MED13L: variants seen among roughly 807,000 people sequenced by gnomAD.
The protein encoded by MED13L is mediator complex subunit 13L.
Under a neutral mutation model 220.9 loss-of-function variants are expected in MED13L, and 7 were observed. The ratio of observed to expected loss-of-function variants is 0.03; its 90% CI spans 0.02 to 0.06. The LOEUF (loss-of-function observed/expected upper bound fraction) is 0.06. Among genes scored for constraint, MED13L ranks in the 10% least tolerant of loss-of-function variants. The pLI, the probability that MED13L is intolerant of heterozygous loss-of-function variation, is 1.00. For synonymous variants in MED13L, 1,011 were observed against 1,015.2 expected (o/e 1.00, Z 0.08); for missense variants, 1,965 against 2,760.5 (o/e 0.71, Z 6.46).
intron 2 of MED13L, among the ~76,000 whole-genome samples, chr12:116,208,891 C>T (rs1039680912): frequency 1.3e-5 from 2 of 151,994 alleles, no homozygotes; most frequent in African/African-American, 2.4e-5. Flanking sequence ...ATCACTTGAG[C>T]CCCAGAGTTT....
intron 2 of MED13L, among the ~76,000 whole-genome samples, chr12:116,139,011 T>C (rs1876826393): frequency 6.6e-6 from 1 of 152,222 alleles, no homozygotes; most frequent in Non-Finnish European, 1.5e-5. Context: ...TTGAGACATA[T>C]TCCTGGAATT....
At chr12:116,030,305 A>C (rs1880660285) in intron 4 of MED13L, among the ~76,000 whole-genome samples, 1 of 152,162 alleles carries the variant, frequency 6.6e-6, no homozygotes, top group African/African-American at 2.4e-5. Flanking sequence ...GTTAAAATAA[A>C]ATCCTTTTGT....
At chr12:116,151,565 C>T (rs182522864) in intron 2 of MED13L, among the ~76,000 whole-genome samples, 3 of 152,270 alleles carry the variant, frequency 2.0e-5, no homozygotes, top group Admixed American at 2.0e-4. Context: ...AAGGATCCTA[C>T]ACAGTGGTTG....
At chr12:116,069,541 T>C (rs958502853) in intron 4 of MED13L, among the ~76,000 whole-genome samples, 1 of 152,238 alleles carries the variant, frequency 6.6e-6, no homozygotes, top group Non-Finnish European at 1.5e-5. Context: ...GTACTGACTT[T>C]TTAGCTATCA....
intron 2 of MED13L, among the ~76,000 whole-genome samples, chr12:116,228,022 A>G (rs1455386320): frequency 6.6e-6 from 1 of 152,226 alleles, no homozygotes; most frequent in Non-Finnish European, 1.5e-5. Flanking sequence ...CTTATTGTTG[A>G]TATGGAGAAA....
chr12:116,067,822 TGTGA>T (rs1394600871), intron 4 of MED13L, among the ~76,000 whole-genome samples: 3 of 152,160 alleles, frequency 2.0e-5, no homozygotes, highest in African/African-American at 2.4e-5. Context: ...AAGGATGAAC[TGTGA>T]GTAAGCGCAT....
chr12:116,096,877 G>GT (rs2137817769), intron 3 of MED13L, 125 bp from the exon 4 acceptor site: 1 of 726,698 alleles, frequency 1.4e-6, no homozygotes, highest in South Asian at 1.6e-5. Context: ...CTATCAAAAT[G>GT]TTTTATCACT....
At chr12:116,276,629 G>T in intron 1 of MED13L, 1 of 1,197,000 alleles carries the variant, frequency 8.4e-7, no homozygotes, top group Non-Finnish European at 1.1e-6. Flanking sequence ...GCAGGCGGGC[G>T]GGCAGGCAGC....
chr12:115,991,059 C>G lies in MED13L; in HGVS notation c.3895G>C (p.Val1299Leu), dbSNP rs1565996916. 2 of 1,614,186 alleles carry G rather than the reference C, an allele frequency of 1.2e-6. No homozygotes were observed. The highest frequency in any genetic ancestry group is 8.5e-7 in the Non-Finnish European group (1 of 1,180,022). Residue 1299 changes from valine to leucine, a missense_variant, in exon 17 of 31, where the codon GTG (valine) becomes CTG (leucine). By Grantham distance (32) the Val-to-Leu change is conservative. Around this residue, in one of 10 missense-constraint regions of MED13L, gnomAD observed 165 missense variants for 190.8 expected, o/e 0.86. Coordinates refer to ENST00000281928, the MANE Select transcript of MED13L (RefSeq NM_015335.5). The surrounding 1 kb of genome is among the most constrained non-coding windows in gnomAD (Gnocchi z 7.7). ...PTGGKVDEAL[V>L]RSATVHSWPH... is the part of the protein sequence containing the mutation. ...CAAGAGTGCACAGTGGCACTTCTCA[C>G]CAGAGCTTCGTCCACTTTTCCACCA... is the stretch of plus-strand genomic sequence containing the variant.
At chr12:116,207,416 A>AT (rs1300841633) in intron 2 of MED13L, among the ~76,000 whole-genome samples, 1 of 152,246 alleles carries the variant, frequency 6.6e-6, no homozygotes, top group Non-Finnish European at 1.5e-5. Flanking sequence ...GCCCAGATGT[A>AT]TATAGTAGGC....
chr12:115,982,980 C>A, intron 21 of MED13L, 137 bp downstream of exon 21: 1 of 906,198 alleles, frequency 1.1e-6, no homozygotes. Flanking sequence ...TCGACCATTG[C>A]CCCTTTCTTT....
intron 4 of MED13L, among the ~76,000 whole-genome samples, chr12:116,027,648 A>G (rs1471023663): frequency 6.6e-6 from 1 of 152,166 alleles, no homozygotes; most frequent in Non-Finnish European, 1.5e-5. Flanking sequence ...AGTGCTCTAG[A>G]GAAATCCGCG....
intron 2 of MED13L, among the ~76,000 whole-genome samples, chr12:116,214,895 T>A (rs1882906546): frequency 1.3e-5 from 2 of 152,226 alleles, no homozygotes. Context: ...TTCATTGGAC[T>A]GATAAATTCA....
intron 4 of MED13L, among the ~76,000 whole-genome samples, chr12:116,029,938 T>C (rs1880631316): frequency 6.6e-6 from 1 of 152,106 alleles, no homozygotes; most frequent in Non-Finnish European, 1.5e-5. Flanking sequence ...ATATACAGTC[T>C]ACATACTCTT....
At chr12:116,206,744 A>G (rs1296983938) in intron 2 of MED13L, among the ~76,000 whole-genome samples, 1 of 152,252 alleles carries the variant, frequency 6.6e-6, no homozygotes, top group African/African-American at 2.4e-5. Context: ...CTGAAAGAAG[A>G]TAAAACGCTA....
chr12:116,228,302 A>G (rs1479178502), intron 2 of MED13L, among the ~76,000 whole-genome samples: 1 of 152,208 alleles, frequency 6.6e-6, no homozygotes, highest in Non-Finnish European at 1.5e-5. Context: ...AGGTGGCTAC[A>G]CTAAACAACA....
At chr12:115,992,314 G>A (rs1878116843) in intron 16 of MED13L, among the ~76,000 whole-genome samples, 2 of 152,160 alleles carry the variant, frequency 1.3e-5, no homozygotes, top group South Asian at 4.1e-4. Flanking sequence ...CTACTAAATG[G>A]AACTTCAACC....
intron 4 of MED13L, among the ~76,000 whole-genome samples, chr12:116,033,928 C>T (rs1881012376): frequency 6.6e-6 from 1 of 152,178 alleles, no homozygotes; most frequent in African/African-American, 2.4e-5. Context: ...TATACAATCA[C>T]TCCATGAGCT....
At chr12:116,246,206 CAA>C (rs77427246) in intron 1 of MED13L, among the ~76,000 whole-genome samples, 51 of 100,140 alleles carry the variant, frequency 5.1e-4, no homozygotes, top group Non-Finnish European at 6.2e-4. Flanking sequence ...TTTAGACATG[CAA>C]AAAAAAAAAA....
Sources: allele counts gnomAD v4.1 joint callset (sites outside exome capture counted in the v4.1 genomes callset), GRCh38; gene constraint gnomAD v4.1.1; regional missense constraint gnomAD v4.1.1; non-coding constraint Gnocchi (gnomAD v3.1); transcripts MANE v1.5; gene names NCBI Gene and HGNC (gene_info 2026-07-23, HGNC 2026-07-21).